The following TMEM41A variants were observed in gnomAD, a reference collection of about 807,000 sequenced individuals.
TMEM41A encodes the protein transmembrane protein 41A.
In TMEM41A, 20 loss-of-function variants were observed where a neutral mutation model predicts 25.7. The observed-to-expected ratio is 0.78, with a 90% confidence interval of 0.55 to 1.13. The LOEUF (loss-of-function observed/expected upper bound fraction) is 1.13, where lower values mean the gene tolerates loss of function less well. Among genes scored for constraint, TMEM41A ranks in the 50% most tolerant of loss-of-function variants. The probability of loss-of-function intolerance (pLI) is 0.00; values close to 1 mark genes in which losing one functional copy is unlikely to be tolerated. For synonymous variants in TMEM41A, 133 were observed against 139.6 expected, an observed-to-expected ratio of 0.95 and a Z score of 0.33; for missense variants, 299 against 314.3, an observed-to-expected ratio of 0.95 and a Z score of 0.37.
In TMEM41A at chr3:185,491,039, C is replaced by T. The variant is rs1205193813; in HGVS notation, c.*498G>A. Reference sequence around the variant, plus strand: ...TCAAGACAGTGTCTCACTCTATCACCCAGGCTGGAGTGCAGTGGTGTGATC... The same window carrying T: ...TCAAGACAGTGTCTCACTCTATCACTCAGGCTGGAGTGCAGTGGTGTGATC... On this transcript the variant is annotated 3_prime_UTR_variant, in exon 5 of 5. Coordinates refer to ENST00000421852, the MANE Select transcript of TMEM41A (RefSeq NM_080652.4). 1 of 149,366 alleles carries T rather than the reference C, an allele frequency of 6.7e-6. No individual in the cohort carries two copies. Among genetic ancestry groups the T allele is most frequent in the Non-Finnish European group, 1.5e-5 (1 of 67,582 alleles). 9.3% of individuals were successfully genotyped at this position (149,366 alleles called of 1,614,324 possible). A position where few individuals can be genotyped will look rare whatever the true frequency, so the allele number is the denominator to read the frequency against.
rs1433867252 is a variant in TMEM41A at position 185,494,671 on chromosome 3, G to A, written c.526C>T (p.Pro176Ser). ...TPNWFLNLSAPILNIPIVQFF... is the reference protein window; with the variant it reads ...TPNWFLNLSASILNIPIVQFF... ...TGCACGATGGGAATGTTCAGAATTG[G>A]GGCCGAGAGGTTCAAGAACCAGTTT... is the stretch of plus-strand genomic sequence containing the variant. Residue 176 changes from proline (P) to serine (S), a missense_variant, in exon 4 of 5, where the codon CCA (proline) becomes TCA (serine). By Grantham distance (74) the Pro-to-Ser change is moderately conservative. Coordinates refer to ENST00000421852, the MANE Select transcript of TMEM41A (RefSeq NM_080652.4). 6.2e-7 allele frequency: 1 copy of A among 1,612,342 alleles called. No individual in the cohort carries two copies. Among genetic ancestry groups the A allele is most frequent in the Non-Finnish European group, 8.5e-7 (1 of 1,179,320 alleles).
chr3:185,493,137 G>A (rs1471838455), intron 4 of TMEM41A: 1 of 152,124 alleles, frequency 6.6e-6, no homozygotes, highest in Non-Finnish European at 1.5e-5. Context: ...TAAGGAGGGT[G>A]GTTTTCTTCC....
rs753200134 is a variant in TMEM41A at position 185,491,644 on chromosome 3, T to C, written c.688A>G (p.Met230Val). 1.2e-6 allele frequency: 2 copies of C among 1,614,204 alleles called. No individual in the cohort carries two copies. The highest frequency in any genetic ancestry group is 1.3e-5 in the African/African-American group (1 of 75,038). The stretch of plus-strand genomic sequence containing the variant: ...AGGGTTCCAGGAATTAATGCCACCA[T>C]GGCAATGGCCAACAGCTTAAAGACA... Reference protein sequence around the residue: ...DTVFKLLAIAMVALIPGTLIK... With the variant: ...DTVFKLLAIAVVALIPGTLIK... The change falls in exon 5 of 5, where the codon ATG becomes GTG. Residue 230 changes from methionine to valine, a missense_variant. Coordinates refer to ENST00000421852, the MANE Select transcript of TMEM41A (RefSeq NM_080652.4).
intron 1 of TMEM41A, chr3:185,498,609 G>A: frequency 2.1e-6 from 1 of 487,452 alleles, no homozygotes; most frequent in Admixed American, 4.2e-5. Context: ...ACACCCTGCA[G>A]CCAGCACCAC....
rs74923285 is a variant in TMEM41A, at chr3:185,491,938, T to G, written c.575-181A>C. ...TATTATTTTCCCTCCTTTCCTCACT[T>G]CCCATATATGCCTGTCTTGTTCAAC... On this transcript the variant is annotated intron_variant, in intron 4 of 4. Coordinates refer to ENST00000421852, the MANE Select transcript of TMEM41A (RefSeq NM_080652.4). Among the ~76,000 whole-genome samples the G allele has an allele frequency of 7.2e-5, 11 of 152,250 alleles. No homozygotes were observed. The South Asian group carries it at 2.3e-3, about 32-fold the overall frequency.
In TMEM41A at chr3:185,496,812, A is replaced by AGG. The variant is rs748824008; in HGVS notation, c.273+14_273+15dup. ...CAGATAAGGAAACAGGGTTGGAGGGAGGGCAGGACACTGACCAGGAAGCTG... is the reference window on the plus strand; with the variant it reads ...CAGATAAGGAAACAGGGTTGGAGGGAGGGGGCAGGACACTGACCAGGAAGCTG... On this transcript the variant is annotated intron_variant, in intron 2 of 4. Transcript: ENST00000421852. 1.0e-5 allele frequency: 16 copies of AGG among 1,600,212 alleles called. No individual in the cohort carries two copies. In the East Asian group the frequency reaches 3.1e-4, roughly 31 times the overall value.
Position 185,499,027 on chromosome 3 carries a change from G to C in TMEM41A, c.-66C>G, listed in dbSNP as rs1719200817. 1 of 1,418,988 alleles carries C rather than the reference G, an allele frequency of 7.0e-7. No homozygotes were observed. Among genetic ancestry groups the C allele is most frequent in the Non-Finnish European group, 9.6e-7 (1 of 1,039,456 alleles). 87.9% of individuals were successfully genotyped at this position (1,418,988 alleles called of 1,614,324 possible). On this transcript the variant is annotated 5_prime_UTR_variant, in exon 1 of 5. Transcript: ENST00000421852. ...CACTTGCACTCCGGGACGCAGCGGC[G>C]GGCGGACTGAGCCCGCGGAGCACGT...
chr3:185,496,676 C>T, intron 2 of TMEM41A, 152 bp downstream of exon 2: 1 of 938,140 alleles, frequency 1.1e-6, no homozygotes, highest in Non-Finnish European at 1.6e-6. Context: ...GTGCTCAATC[C>T]CTCCGTAAGT....
rs1417662207 is a variant in TMEM41A, at chr3:185,497,023, A to G, written c.120-42T>C. On this transcript the variant is annotated intron_variant, in intron 1 of 4. Transcript: ENST00000421852. ...GCAGATGGAAACATGAGTTCAGATC[A>G]GTCCAGTGCCCATGAAAGTCACTCG... 5 of 1,555,024 alleles carry G rather than the reference A, an allele frequency of 3.2e-6. No homozygotes were observed. The South Asian group carries it at 5.9e-5, about 18-fold the overall frequency.
intron 2 of TMEM41A, 148 bp downstream of exon 2, chr3:185,496,680 C>CGT: frequency 1.0e-6 from 1 of 988,850 alleles, no homozygotes; most frequent in Non-Finnish European, 1.5e-6. Context: ...TCAATCCCTC[C>CGT]GTAAGTGCTG....
At chr3:185,494,587 C>T (rs1427119529) in intron 4 of TMEM41A, 36 bp downstream of exon 4, 9 of 1,549,678 alleles carry the variant, frequency 5.8e-6, no homozygotes, top group Non-Finnish European at 7.8e-6. Context: ...AGCGTGACAG[C>T]TCTGAAGACT....
rs1360999082 is a variant in TMEM41A, at chr3:185,494,695, T to C, written c.502A>G (p.Asn168Asp). The change falls in exon 4 of 5, where the codon AAC becomes GAC. Residue 168 changes from asparagine (N) to aspartate (D), a missense_variant. Physicochemically the swap from Asn to Asp is conservative, Grantham distance 23. Coordinates refer to ENST00000421852, the MANE Select transcript of TMEM41A (RefSeq NM_080652.4). ...LFLRLFPMTP[N>D]WFLNLSAPIL... Reference sequence around the variant, plus strand: ...GGGGCCGAGAGGTTCAAGAACCAGTTTGGTGTCATGGGGAAAAGTCTCAAA... The same window carrying C: ...GGGGCCGAGAGGTTCAAGAACCAGTCTGGTGTCATGGGGAAAAGTCTCAAA... The C allele has an allele frequency of 6.2e-7, 1 of 1,613,148 alleles. No individual in the cohort carries two copies. The highest frequency in any genetic ancestry group is 1.1e-5 in the South Asian group (1 of 90,776).
At chr3:185,494,873 TTCCAACAACCCTCCAGG>T in intron 3 of TMEM41A, 112 bp from the exon 4 acceptor site, 1 of 1,295,940 alleles carries the variant, frequency 7.7e-7, no homozygotes, top group Non-Finnish European at 1.1e-6. Flanking sequence ...TTCCCAATTC[TTCCAACAACCCTCCAGG>T]GAAAGACTGT....
rs185104341 is a variant in TMEM41A at position 185,490,714 on chromosome 3, C to T, written c.*823G>A. 4 of 152,246 alleles carry T rather than the reference C, an allele frequency of 2.6e-5. No homozygotes were observed. The highest frequency in any genetic ancestry group is 4.4e-5 in the Non-Finnish European group (3 of 68,032). 9.4% of individuals were successfully genotyped at this position (152,246 alleles called of 1,614,324 possible). A position where few individuals can be genotyped will look rare whatever the true frequency, so the allele number is the denominator to read the frequency against. ...GGCTTATGAAGAGGTAGGTCATCAGCAAAGAAGTACAAAAAAATGCTCTTC... is the reference window on the plus strand; with the variant it reads ...GGCTTATGAAGAGGTAGGTCATCAGTAAAGAAGTACAAAAAAATGCTCTTC... On this transcript the variant is annotated 3_prime_UTR_variant, in exon 5 of 5. Transcript: ENST00000421852.
intron 2 of TMEM41A, chr3:185,495,700 C>T (rs1719082115): frequency 5.1e-6 from 1 of 196,966 alleles, no homozygotes; most frequent in African/African-American, 2.3e-5. Context: ...CCTCAGCCTC[C>T]CAAAGTGCTA....
chr3:185,497,298 C>T (rs928007425), intron 1 of TMEM41A, among the ~76,000 whole-genome samples: 1 of 152,152 alleles, frequency 6.6e-6, no homozygotes, highest in Non-Finnish European at 1.5e-5. Context: ...TCATTAAGTT[C>T]CCCTTTAGCT....
rs751244798 is a variant in TMEM41A, at chr3:185,495,217, A to C, written c.372T>G (p.Ser124Arg). The part of the protein sequence containing the change: ...VGATCCYLLS[S>R]IFGKQLVVSY... ...ACACCACCAACTGTTTGCCAAAAAT[A>C]CTGGAGAGCAGGTAGCAGCATGTGG... Residue 124 changes from serine (S) to arginine (R), a missense_variant, in exon 3 of 5, where the codon AGT becomes AGG. Transcript: ENST00000421852. 1 of 1,613,806 alleles carries C rather than the reference A, an allele frequency of 6.2e-7. No homozygotes were observed.
intron 1 of TMEM41A, among the ~76,000 whole-genome samples, chr3:185,497,864 G>A (rs185206279): frequency 6.6e-6 from 1 of 152,240 alleles, no homozygotes; most frequent in East Asian, 1.9e-4. Flanking sequence ...TGCTGTACTA[G>A]GCACACTTCC....
intron 2 of TMEM41A, 86 bp downstream of exon 2, chr3:185,496,742 C>A: frequency 6.6e-7 from 1 of 1,505,608 alleles, no homozygotes; most frequent in Non-Finnish European, 9.0e-7. Flanking sequence ...TTAATCATCC[C>A]CACACAACAA....
Sources: gnomAD v4.1 joint callset for allele counts (sites outside exome capture counted in the v4.1 genomes callset) on GRCh38, gnomAD v4.1.1 for gene constraint, MANE v1.5 for transcripts, NCBI Gene and HGNC (gene_info 2026-07-23, HGNC 2026-07-21) for gene names.